The following PALLD variants were observed in gnomAD, a reference collection of about 807,000 sequenced individuals.
PALLD encodes palladin.
PALLD carries 61 observed loss-of-function variants against 123.5 expected under a neutral mutation model. That is an observed-to-expected ratio of 0.49 (90% CI 0.40 to 0.61). The LOEUF (loss-of-function observed/expected upper bound fraction) is 0.61. Ranked by LOEUF, PALLD falls within the 20% of genes least tolerant of loss-of-function variation. The pLI, the probability that PALLD is intolerant of heterozygous loss-of-function variation, is 0.00. For synonymous variants in PALLD, 465 were observed against 496.4 expected, an observed-to-expected ratio of 0.94 and a Z score of 0.84; for missense variants, 1,273 against 1,377.0, an observed-to-expected ratio of 0.92 and a Z score of 1.20.
At chr4:168,547,197 C>T (rs941058139) in intron 2 of PALLD, among the ~76,000 whole-genome samples, 1 of 152,134 alleles carries the variant, frequency 6.6e-6, no homozygotes, top group Non-Finnish European at 1.5e-5. Context: ...TCGCCCCACA[C>T]GCCTACTAAC....
intron 1 of PALLD, among the ~76,000 whole-genome samples, chr4:168,498,871 T>C (rs1179442873): frequency 1.3e-5 from 2 of 151,980 alleles, no homozygotes; most frequent in African/African-American, 4.8e-5. Context: ...GTGAATAAAG[T>C]TGATAAGATG....
intron 10 of PALLD, among the ~76,000 whole-genome samples, chr4:168,764,164 G>A (rs1300013854): frequency 6.6e-6 from 1 of 152,072 alleles, no homozygotes. Flanking sequence ...TTTGTCAATG[G>A]TGAGTGCTCA....
intron 2 of PALLD, among the ~76,000 whole-genome samples, chr4:168,544,984 G>A (rs1766002210): frequency 6.6e-6 from 1 of 152,114 alleles, no homozygotes; most frequent in Non-Finnish European, 1.5e-5. Context: ...GCATTGTCAG[G>A]ACAGATGCAG....
intron 2 of PALLD, among the ~76,000 whole-genome samples, chr4:168,645,952 CACTA>C (rs1377937420): frequency 6.6e-6 from 1 of 152,158 alleles, no homozygotes; most frequent in Non-Finnish European, 1.5e-5. Flanking sequence ...AGGAAAAAGG[CACTA>C]AATAAATACA....
intron 1 of PALLD, chr4:168,505,020 T>C (rs13119187): frequency 0.28 from 41,993 of 152,126 alleles, 6,719 homozygotes; most frequent in East Asian, 0.6. Flanking sequence ...TTTGTGATTG[T>C]GTTTCATTCC....
chr4:168,709,537 A>AG (rs1320216398), intron 9 of PALLD, among the ~76,000 whole-genome samples: 4 of 116 alleles, frequency 0.034, no homozygotes, highest in African/African-American at 0.087. Context: ...GAAGGAAGGA[A>AG]GGAAGGAAGG....
intron 10 of PALLD, among the ~76,000 whole-genome samples, chr4:168,807,370 T>C (rs1740372937): frequency 1.3e-5 from 2 of 152,140 alleles, no homozygotes; most frequent in Admixed American, 1.3e-4. Flanking sequence ...GAAAGTACTG[T>C]GCAACATATT....
At chr4:168,741,672 C>G (rs892562298) in intron 10 of PALLD, among the ~76,000 whole-genome samples, 6 of 151,854 alleles carry the variant, frequency 4.0e-5, no homozygotes, top group African/African-American at 1.5e-4. Context: ...CGACAGAGTA[C>G]AATCCTATCT....
intron 15 of PALLD, among the ~76,000 whole-genome samples, chr4:168,907,541 AC>A (rs1758062040): frequency 2.6e-5 from 4 of 152,122 alleles, no homozygotes; most frequent in Admixed American, 2.0e-4. Context: ...CACCCATAGC[AC>A]AGCTGACATC....
intron 2 of PALLD, among the ~76,000 whole-genome samples, chr4:168,609,968 A>G (rs1433391758): frequency 1.3e-5 from 2 of 151,972 alleles, no homozygotes; most frequent in African/African-American, 4.8e-5. Context: ...CTGCATCCCA[A>G]TCTTCCTACT....
At chr4:168,631,656 A>T in intron 2 of PALLD, 1 of 985,388 alleles carries the variant, frequency 1.0e-6, no homozygotes, top group Non-Finnish European at 1.2e-6. Flanking sequence ...ACCGAGCCTG[A>T]GTCGTGGCCG....
intron 2 of PALLD, among the ~76,000 whole-genome samples, chr4:168,632,590 C>T (rs1167555319): frequency 6.6e-6 from 1 of 152,156 alleles, no homozygotes; most frequent in Non-Finnish European, 1.5e-5. Flanking sequence ...TCCCTTTGGA[C>T]GGGGTCCCTG....
At chr4:168,737,075 A>G (rs893326609) in intron 10 of PALLD, among the ~76,000 whole-genome samples, 2 of 152,226 alleles carry the variant, frequency 1.3e-5, no homozygotes, top group African/African-American at 2.4e-5. Flanking sequence ...CACAATTGCT[A>G]TAATGTATTA....
At chr4:168,795,530 A>G (rs1289895360) in intron 10 of PALLD, among the ~76,000 whole-genome samples, 3 of 144,452 alleles carry the variant, frequency 2.1e-5, no homozygotes, top group African/African-American at 8.8e-5. Flanking sequence ...AATGATTAAC[A>G]TGTGAGAATC....
chr4:168,818,448 G>A (rs753046709), intron 10 of PALLD, among the ~76,000 whole-genome samples: 3 of 152,040 alleles, frequency 2.0e-5, no homozygotes, highest in South Asian at 4.1e-4. Flanking sequence ...AAAATATTTC[G>A]AAAAAGCCAG....
chr4:168,810,357 T>C (rs531996570), intron 10 of PALLD, among the ~76,000 whole-genome samples: 95 of 151,988 alleles, frequency 6.3e-4, no homozygotes, highest in Admixed American at 1.2e-3. Context: ...GATTTGAGGA[T>C]TGAAAATTCA....
intron 13 of PALLD, among the ~76,000 whole-genome samples, chr4:168,897,343 T>C (rs6553263): frequency 0.67 from 101,865 of 152,186 alleles, 35,998 homozygotes; most frequent in East Asian, 0.96. Flanking sequence ...ACCAACAAAC[T>C]TGTTTTTTAA....
intron 7 of PALLD, among the ~76,000 whole-genome samples, chr4:168,691,022 C>T (rs1782569002): frequency 6.6e-6 from 1 of 152,114 alleles, no homozygotes; most frequent in African/African-American, 2.4e-5. Flanking sequence ...GCTCCTAGAG[C>T]CCATCTATGA....
chr4:168,759,202 AAT>A (rs147474708), intron 10 of PALLD, among the ~76,000 whole-genome samples: 376 of 22,218 alleles, frequency 0.017, 2 homozygotes, highest in Non-Finnish European at 0.024. Context: ...AAAAAAAAAA[AAT>A]ATATATATAT....
Sources: gnomAD v4.1 joint callset for allele counts (sites outside exome capture counted in the v4.1 genomes callset) on GRCh38, gnomAD v4.1.1 for gene constraint, MANE v1.5 for transcripts, NCBI Gene and HGNC (gene_info 2026-07-23, HGNC 2026-07-21) for gene names.